PLCG2: variants seen among roughly 807,000 people sequenced by gnomAD.
PLCG2 encodes the protein 1-phosphatidylinositol 4,5-bisphosphate phosphodiesterase gamma-2.
Under a neutral mutation model 175.6 loss-of-function variants are expected in PLCG2, and 69 were observed. The ratio of observed to expected loss-of-function variants is 0.39; its 90% CI spans 0.32 to 0.48. The LOEUF (loss-of-function observed/expected upper bound fraction) is 0.48. Ranked by LOEUF, PLCG2 falls within the 20% of genes least tolerant of loss-of-function variation. The pLI, the probability that PLCG2 is intolerant of heterozygous loss-of-function variation, is 0.91. For synonymous variants in PLCG2, 827 were observed against 624.0 expected (o/e 1.33, Z -4.85); for missense variants, 1,798 against 1,650.9 (o/e 1.09, Z -1.54).
chr16:81,800,144 T>C (rs1911657635), intron 2 of PLCG2, among the ~76,000 whole-genome samples: 1 of 152,180 alleles, frequency 6.6e-6, no homozygotes, highest in Non-Finnish European at 1.5e-5. Flanking sequence ...ATACTTTGGG[T>C]ATCATAGTAC....
intron 14 of PLCG2, 62 bp from the exon 15 acceptor site, chr16:81,905,341 T>C (rs1909319139): frequency 2.6e-6 from 3 of 1,139,434 alleles, no homozygotes; most frequent in Admixed American, 1.8e-5. Context: ...TGAAGGCTGC[T>C]GGCTCAAAGG....
intron 13 of PLCG2, chr16:81,897,821 G>C: frequency 2.2e-6 from 1 of 455,750 alleles, no homozygotes; most frequent in East Asian, 7.0e-5. Flanking sequence ...TGGGGATTAT[G>C]GGCATGAGCC....
Position 81,912,218 on chromosome 16 carries a change from C to T in PLCG2, c.1935-379C>T, listed in dbSNP as rs138376432. On this transcript the variant is annotated intron_variant, in intron 18 of 32. Transcript: ENST00000564138. ...AAAGTGCTGGGATTACAGGCGTGAG[C>T]CACTGTGCCCAGGCTATTTTATTTT... Among the ~76,000 whole-genome samples the T allele has an allele frequency of 2.5e-3, 386 of 152,272 alleles. 4 individuals carry two copies. The highest frequency in any genetic ancestry group is 9.0e-3 in the African/African-American group (375 of 41,558).
At chr16:81,842,027 T>C (rs74029248) in intron 2 of PLCG2, among the ~76,000 whole-genome samples, 3,512 of 152,338 alleles carry the variant, frequency 0.023, 132 homozygotes, top group African/African-American at 0.078. Flanking sequence ...TTTTATTTCA[T>C]GTTATTTCAT....
intron 2 of PLCG2, among the ~76,000 whole-genome samples, chr16:81,758,980 C>A (rs908219887): frequency 6.6e-6 from 1 of 152,162 alleles, no homozygotes; most frequent in Non-Finnish European, 1.5e-5. Flanking sequence ...ACCCGGCTAT[C>A]GTCCATCTTT....
At chr16:81,942,195 G>T (rs1910969294) in intron 30 of PLCG2, among the ~76,000 whole-genome samples, 1 of 152,140 alleles carries the variant, frequency 6.6e-6, no homozygotes, top group African/African-American at 2.4e-5. Flanking sequence ...GAAGGATGAG[G>T]GCCTTGAGCC....
chr16:81,874,977 T>TTA (rs1907707153), intron 7 of PLCG2, among the ~76,000 whole-genome samples: 4 of 136,910 alleles, frequency 2.9e-5, no homozygotes, highest in East Asian at 2.4e-4. Flanking sequence ...TTTTTTTTTT[T>TTA]ATTTGAGACA....
intron 2 of PLCG2, among the ~76,000 whole-genome samples, chr16:81,815,436 G>A (rs1904500837): frequency 1.3e-5 from 2 of 152,200 alleles, no homozygotes. Context: ...CTTTCCAGCG[G>A]GAAACTGCAG....
chr16:81,887,497 G>A (rs1051924167), intron 9 of PLCG2, among the ~76,000 whole-genome samples: 2 of 152,176 alleles, frequency 1.3e-5, no homozygotes, highest in African/African-American at 4.8e-5. Context: ...GTATTCAAAT[G>A]AGCTTGTAGT....
intron 25 of PLCG2, among the ~76,000 whole-genome samples, chr16:81,932,340 C>G (rs1399555153): frequency 1.3e-5 from 2 of 152,214 alleles, no homozygotes; most frequent in East Asian, 3.8e-4. Context: ...ATTCCTAACT[C>G]ACAAGTACTT....
chr16:81,906,841 C>T (rs1909391794), intron 15 of PLCG2, among the ~76,000 whole-genome samples: 1 of 152,066 alleles, frequency 6.6e-6, no homozygotes, highest in Non-Finnish European at 1.5e-5. Context: ...AGATCGAGAC[C>T]ATCCTGGCTA....
intron 6 of PLCG2, 140 bp downstream of exon 6, chr16:81,869,438 C>T: frequency 3.0e-6 from 2 of 659,350 alleles, no homozygotes; most frequent in East Asian, 2.6e-5. Flanking sequence ...TTAGTTCAGA[C>T]AGAGGGATCA....
At chr16:81,922,300 C>G (rs1910092361) in intron 21 of PLCG2, among the ~76,000 whole-genome samples, 1 of 152,238 alleles carries the variant, frequency 6.6e-6, no homozygotes, top group Non-Finnish European at 1.5e-5. Context: ...CTTAAAACAG[C>G]TGGTCGATGT....
At chr16:81,871,384 G>A (rs989914782) in intron 7 of PLCG2, among the ~76,000 whole-genome samples, 1 of 152,186 alleles carries the variant, frequency 6.6e-6, no homozygotes, top group Non-Finnish European at 1.5e-5. Flanking sequence ...TGTTGCCCAG[G>A]CTGGAGTGCA....
chr16:81,957,609 G>A (rs1488262928), intron 32 of PLCG2, among the ~76,000 whole-genome samples: 1 of 152,124 alleles, frequency 6.6e-6, no homozygotes, highest in Non-Finnish European at 1.5e-5. Flanking sequence ...GGGTTGCCAA[G>A]TGTTTCATAA....
chr16:81,834,321 GGT>G (rs575081976), intron 2 of PLCG2, among the ~76,000 whole-genome samples: 37 of 152,218 alleles, frequency 2.4e-4, no homozygotes, highest in African/African-American at 8.7e-4. Flanking sequence ...CGGAGGGCTC[GGT>G]GTTCTGCTGG....
At chr16:81,893,134 C>T (rs1407653235) in intron 11 of PLCG2, among the ~76,000 whole-genome samples, 1 of 152,206 alleles carries the variant, frequency 6.6e-6, no homozygotes, top group Non-Finnish European at 1.5e-5. Context: ...GCTGGGATTA[C>T]AGGCATGAGC....
At chr16:81,820,802 G>A (rs529018143) in intron 2 of PLCG2, among the ~76,000 whole-genome samples, 2 of 151,242 alleles carry the variant, frequency 1.3e-5, no homozygotes, top group East Asian at 3.9e-4. Flanking sequence ...TGTATTTTTA[G>A]TAGAGGCAGG....
chr16:81,957,703 C>T (rs1911631227), intron 32 of PLCG2, among the ~76,000 whole-genome samples: 1 of 152,126 alleles, frequency 6.6e-6, no homozygotes, highest in African/African-American at 2.4e-5. Context: ...GCCTCCCTTA[C>T]TCACATTATT....
Sources: gnomAD v4.1 joint callset for allele counts (sites outside exome capture counted in the v4.1 genomes callset) on GRCh38, gnomAD v4.1.1 for gene constraint, MANE v1.5 for transcripts, NCBI Gene and HGNC (gene_info 2026-07-23, HGNC 2026-07-21) for gene names.